Variants in KMT2A observed in about 807,000 individuals in gnomAD.
KMT2A encodes the protein histone-lysine N-methyltransferase 2A.
Under a neutral mutation model 345.3 loss-of-function variants are expected in KMT2A, and 16 were observed. The observed-to-expected ratio is 0.05, with a 90% confidence interval of 0.03 to 0.07. KMT2A has a LOEUF of 0.07. Among genes scored for constraint, KMT2A ranks in the 10% least tolerant of loss-of-function variants. The pLI is 1.00. For synonymous variants in KMT2A, 1,599 were observed against 1,778.6 expected (o/e 0.90, Z 2.54); for missense variants, 3,272 against 4,841.6 (o/e 0.68, Z 9.62).
intron 1 of KMT2A, among the ~76,000 whole-genome samples, chr11:118,464,068 A>G (rs1949795925): frequency 6.6e-6 from 1 of 152,224 alleles, no homozygotes; most frequent in Non-Finnish European, 1.5e-5. Context: ...GGCTCATTTT[A>G]AGAAGGGACA....
chr11:118,516,083 A>G (rs1950807835), intron 31 of KMT2A, among the ~76,000 whole-genome samples: 1 of 151,860 alleles, frequency 6.6e-6, no homozygotes, highest in South Asian at 2.1e-4. Context: ...AACCACAATG[A>G]CCCTTGTGTT....
intron 1 of KMT2A, among the ~76,000 whole-genome samples, chr11:118,441,022 G>A (rs914245416): frequency 6.6e-6 from 1 of 152,054 alleles, no homozygotes; most frequent in South Asian, 2.1e-4. Context: ...TTTCTGATCT[G>A]TAAAATGAAA....
In KMT2A at chr11:118,436,641, GC is replaced by G. The variant is rs1555138529; in HGVS notation, c.134del (p.Pro45ArgfsTer105). On this transcript the variant is annotated frameshift_variant, in exon 1 of 36. Coordinates refer to ENST00000534358, the MANE Select transcript of KMT2A (RefSeq NM_001197104.2). LOFTEE classifies it high-confidence loss of function. The surrounding 1 kb of genome is among the most constrained non-coding windows in gnomAD (Gnocchi z 6.9). The part of the protein sequence containing the change: ...RVPALLLPPG[P>X]PVGGGGPGAP... ...TCCCGGCCCTGCTGCTTCCCCCCGG[GC>G]CCCCGGTCGGCGGTGGCGGCCCCGG... 3.5e-6 allele frequency: 4 copies of G among 1,158,230 alleles called. No homozygotes were observed. Among genetic ancestry groups the G allele is most frequent in the Non-Finnish European group, 2.1e-6 (2 of 938,308 alleles). The allele number at this position is 1,158,230 out of a possible 1,614,324, so 71.7% of individuals were successfully genotyped here.
rs560252699 is a variant in KMT2A at position 118,521,446 on chromosome 11, T to A, written c.11643+29T>A. 25 of 1,611,116 alleles carry A rather than the reference T, an allele frequency of 1.6e-5. No individual in the cohort carries two copies. The highest frequency in any genetic ancestry group is 1.6e-4 in the Middle Eastern group (1 of 6,074). On this transcript the variant is annotated intron_variant, in intron 35 of 35. Transcript: ENST00000534358. This position sits in a 1 kb window ranked among gnomAD's most constrained non-coding sequence, Gnocchi z 5.3. Reference sequence around the variant, plus strand: ...AGTCTCCCACTTGCACTCACACAGTTCTTTTGTTTTGCTGTAGAAAGGGAC... The same window carrying A: ...AGTCTCCCACTTGCACTCACACAGTACTTTTGTTTTGCTGTAGAAAGGGAC...
chr11:118,443,920 A>G (rs901624681), intron 1 of KMT2A, among the ~76,000 whole-genome samples: 9 of 152,190 alleles, frequency 5.9e-5, no homozygotes, highest in Admixed American at 1.3e-4. Context: ...ATGTTTGGGT[A>G]TAGATGTTTT....
In KMT2A at chr11:118,473,472, C is replaced by T. The variant is rs577619340; in HGVS notation, c.2313C>T (p.Thr771=). The T allele has an allele frequency of 6.2e-7, 1 of 1,614,150 alleles. No homozygotes were observed. The highest frequency in any genetic ancestry group is 8.5e-7 in the Non-Finnish European group (1 of 1,180,030). Residue 771 remains threonine (T), a synonymous_variant, in exon 3 of 36, where the codon ACC becomes ACT. Transcript: ENST00000534358. This position sits in a 1 kb window ranked among gnomAD's most constrained non-coding sequence, Gnocchi z 5.2. ...GTAGTTCTGAGCTCTCACCTCTCAC[C>T]CCCCCGTCTTCTGTCTCTTCCTCGT... The part of the protein sequence containing the change: ...RLSSSELSPL[T]PPSSVSSSLS...
chr11:118,468,651 A>G, intron 1 of KMT2A, 124 bp from the exon 2 acceptor site: 1 of 703,638 alleles, frequency 1.4e-6, no homozygotes, highest in Non-Finnish European at 2.6e-6. Context: ...CATTGGAATG[A>G]TGATAATTAA....
In KMT2A at chr11:118,506,247, A is replaced by C; in HGVS notation, c.10355A>C (p.His3452Pro). 1 of 1,614,156 alleles carries C rather than the reference A, an allele frequency of 6.2e-7. No individual in the cohort carries two copies. Among genetic ancestry groups the C allele is most frequent in the Non-Finnish European group, 8.5e-7 (1 of 1,180,014 alleles). ...TCACCTTCTGGGGAAGCAGACGAAC[A>C]CTATCAGCTTCAGCATGTGAACCAG... ...AASPSGEADE[H>P]YQLQHVNQLL... The change falls in exon 27 of 36, where the codon CAC becomes CCC. Residue 3452 changes from histidine (H) to proline (P), a missense_variant. By Grantham distance (77) the His-to-Pro change is moderately conservative. Transcript: ENST00000534358.
chr11:118,486,690 T>C (rs1217930587), intron 10 of KMT2A, among the ~76,000 whole-genome samples: 6 of 151,814 alleles, frequency 4.0e-5, no homozygotes, highest in African/African-American at 9.7e-5. Flanking sequence ...CTGAGCACCA[T>C]AGTGAGACCT....
rs782402913 is a variant in KMT2A at position 118,505,840 on chromosome 11, G to A, written c.9948G>A (p.Ala3316=). Residue 3316 remains alanine, a synonymous_variant, in exon 27 of 36, where the codon GCG becomes GCA. Coordinates refer to ENST00000534358, the MANE Select transcript of KMT2A (RefSeq NM_001197104.2). This position sits in a 1 kb window ranked among gnomAD's most constrained non-coding sequence, Gnocchi z 4.6. ...PQSVGGTAAT[A]AGTSTISQDT... is the part of the protein sequence containing the mutation. ...GTGTGGGAGGAACTGCTGCCACAGCGGCAGGCACATCAACAATAAGCCAGG... is the reference window on the plus strand; with the variant it reads ...GTGTGGGAGGAACTGCTGCCACAGCAGCAGGCACATCAACAATAAGCCAGG... The A allele has an allele frequency of 1.6e-5, 26 of 1,613,946 alleles. No homozygotes were observed. The highest frequency in any genetic ancestry group is 2.2e-5 in the South Asian group (2 of 91,080).
Position 118,499,883 on chromosome 11 carries a change from G to A in KMT2A, c.6128G>A (p.Cys2043Tyr), listed in dbSNP as rs1555045164. The change falls in exon 24 of 36, where the codon TGT becomes TAT. Residue 2043 changes from cysteine (C) to tyrosine (Y), a missense_variant. Coordinates refer to ENST00000534358, the MANE Select transcript of KMT2A (RefSeq NM_001197104.2). ...GGAATTCTAAATGATCTCTCCGACT[G>A]TGAAGATAAGCTCTTTCCTATTGGA... is the stretch of plus-strand genomic sequence containing the variant. ...CLGILNDLSDCEDKLFPIGYQ... is the reference protein window; with the variant it reads ...CLGILNDLSDYEDKLFPIGYQ... 1 of 1,612,696 alleles carries A rather than the reference G, an allele frequency of 6.2e-7. No individual in the cohort carries two copies. Among genetic ancestry groups the A allele is most frequent in the South Asian group, 1.1e-5 (1 of 91,042 alleles).
At chr11:118,449,899 G>T (rs1555028315) in intron 1 of KMT2A, 1 of 152,096 alleles carries the variant, frequency 6.6e-6, no homozygotes, top group Non-Finnish European at 1.5e-5. Context: ...GTTTGTAGTT[G>T]AATGAGCATG....
intron 1 of KMT2A, among the ~76,000 whole-genome samples, chr11:118,457,517 T>G (rs1949668830): frequency 6.6e-6 from 1 of 151,694 alleles, no homozygotes; most frequent in South Asian, 2.1e-4. Context: ...ATGATCCACC[T>G]GCGTTGGCCT....
chr11:118,489,930 T>A, intron 12 of KMT2A, 43 bp downstream of exon 12: 1 of 1,548,562 alleles, frequency 6.5e-7, no homozygotes, highest in Non-Finnish European at 8.9e-7. Context: ...AACCACCATG[T>A]GACTATTGGA....
rs200324977 is a variant in KMT2A at position 118,505,721 on chromosome 11, C to T, written c.9829C>T (p.Leu3277Phe). Reference sequence around the variant, plus strand: ...TCCAAGTCTGTTAGATTTGGGGTCACTTAATACTTCATCTCACCGAACTGT... The same window carrying T: ...TCCAAGTCTGTTAGATTTGGGGTCATTTAATACTTCATCTCACCGAACTGT... ...NHPSLLDLGS[L>F]NTSSHRTVPN... Residue 3277 changes from leucine (L) to phenylalanine (F), a missense_variant, in exon 27 of 36, where the codon CTT becomes TTT. Coordinates refer to ENST00000534358, the MANE Select transcript of KMT2A (RefSeq NM_001197104.2). The surrounding 1 kb of genome is among the most constrained non-coding windows in gnomAD (Gnocchi z 4.6). 3 of 1,614,078 alleles carry T rather than the reference C, an allele frequency of 1.9e-6. No homozygotes were observed. Among genetic ancestry groups the T allele is most frequent in the East Asian group, 2.2e-5 (1 of 44,900 alleles).
Position 118,526,132 on chromosome 11 carries a change from TCCCGA to T in KMT2A, c.*3961_*3965del, listed in dbSNP as rs1555055511. 4.6e-6 allele frequency: 1 copy of T among 218,148 alleles called. No individual in the cohort carries two copies. Among genetic ancestry groups the T allele is most frequent in the Non-Finnish European group, 9.2e-6 (1 of 108,606 alleles). The allele number at this position is 218,148 out of a possible 1,614,324, so 13.5% of individuals were successfully genotyped here. ...GATGTCAGGCTCACTTTCCTCTGAT[TCCCGA>T]AATGGGGGGAACCTCTAACCATAAA... On this transcript the variant is annotated 3_prime_UTR_variant, in exon 36 of 36. Coordinates refer to ENST00000534358, the MANE Select transcript of KMT2A (RefSeq NM_001197104.2).
intron 1 of KMT2A, chr11:118,439,203 T>G (rs1949265844): frequency 2.5e-6 from 1 of 395,520 alleles, no homozygotes; most frequent in Non-Finnish European, 4.9e-6. Flanking sequence ...ACATTTCATT[T>G]ACCTGCTTAT....
Position 118,473,976 on chromosome 11 carries a change from T to C in KMT2A, c.2817T>C (p.His939=), listed in dbSNP as rs781972734. 5 of 1,613,938 alleles carry C rather than the reference T, an allele frequency of 3.1e-6. No homozygotes were observed. In the Admixed American group the frequency reaches 8.3e-5, roughly 27 times the overall value. ...CAGGGCGGAAGAAGTCTTCATCACA[T>C]GATTCTGGGACTGATATTACTTCTG... The part of the protein sequence containing the change: ...KATGRKKSSS[H]DSGTDITSVT... Residue 939 remains histidine (H), a synonymous_variant, in exon 3 of 36, where the codon CAT becomes CAC. Transcript: ENST00000534358. This position sits in a 1 kb window ranked among gnomAD's most constrained non-coding sequence, Gnocchi z 5.2.
chr11:118,481,022 A>G (rs923264523), intron 6 of KMT2A, among the ~76,000 whole-genome samples: 4 of 152,128 alleles, frequency 2.6e-5, no homozygotes, highest in African/African-American at 4.8e-5. Context: ...ACAGGCATAC[A>G]ATGGGTAATA....
Sources: allele counts gnomAD v4.1 joint callset (sites outside exome capture counted in the v4.1 genomes callset), GRCh38; gene constraint gnomAD v4.1.1; non-coding constraint Gnocchi (gnomAD v3.1); transcripts MANE v1.5; gene names NCBI Gene and HGNC (gene_info 2026-07-23, HGNC 2026-07-21).